The following EPS8L2 variants were observed in gnomAD, a reference collection of about 807,000 sequenced individuals.
The protein encoded by EPS8L2 is epidermal growth factor receptor kinase substrate 8-like protein 2.
Under a neutral mutation model 99.4 loss-of-function variants are expected in EPS8L2, and 81 were observed. The observed-to-expected ratio is 0.82, with a 90% CI of 0.68 to 0.98. The LOEUF (loss-of-function observed/expected upper bound fraction) is 0.98, where lower values mean the gene tolerates loss of function less well. EPS8L2 is among the 50% of genes least tolerant of loss of function. EPS8L2 has a pLI of 0.00. For synonymous variants in EPS8L2, 509 were observed against 407.3 expected, an observed-to-expected ratio of 1.25 and a Z score of -3.01; for missense variants, 1,155 against 968.8, an observed-to-expected ratio of 1.19 and a Z score of -2.55.
In EPS8L2 at chr11:724,387, G is replaced by C. The variant is rs1416356975; in HGVS notation, c.1455-337G>C. Among the ~76,000 whole-genome samples, 2 of 152,170 alleles carry C rather than the reference G, an allele frequency of 1.3e-5. No homozygotes were observed. The highest frequency in any genetic ancestry group is 2.4e-5 in the African/African-American group (1 of 41,438). The stretch of plus-strand genomic sequence containing the variant: ...GCCAGCTGCGGGGAGCTGTGACCCT[G>C]GCGTTTCCCAGGAACGCCCCTGGCT... On this transcript the variant is annotated intron_variant, in intron 15 of 20. Coordinates refer to ENST00000318562, the MANE Select transcript of EPS8L2 (RefSeq NM_022772.4). The surrounding 1 kb of genome is among the most constrained non-coding windows in gnomAD (Gnocchi z 5.5).
rs180782812 is a variant in EPS8L2 at position 713,692 on chromosome 11, G to A, written c.165+3206G>A. 1.5e-3 allele frequency among the ~76,000 whole-genome samples: 236 copies of A among 152,304 alleles called. 1 individual carries two copies. Among genetic ancestry groups the A allele is most frequent in the African/African-American group, 5.1e-3 (214 of 41,576 alleles). ...CCCCAGTACCTGGGATTACAGGCAC[G>A]CACCACCACACCCAGCTAATTTTTT... On this transcript the variant is annotated intron_variant, in intron 4 of 20. Coordinates refer to ENST00000318562, the MANE Select transcript of EPS8L2 (RefSeq NM_022772.4).
At chr11:720,964 A>AGGGGAG (rs1325160674) in intron 7 of EPS8L2, 55 bp downstream of exon 7, 106 of 930,356 alleles carry the variant, frequency 1.1e-4, no homozygotes, top group Non-Finnish European at 1.5e-4. Flanking sequence ...GGAGCCCGGC[A>AGGGGAG]GGGGAGGGGA....
intron 4 of EPS8L2, among the ~76,000 whole-genome samples, chr11:712,743 A>C (rs537460235): frequency 1.4e-4 from 22 of 152,308 alleles, no homozygotes; most frequent in African/African-American, 5.3e-4. Flanking sequence ...AGCCATCAGG[A>C]GTCCCTGAGC....
chr11:726,234 G>T, intron 18 of EPS8L2, 64 bp downstream of exon 18: 1 of 1,566,498 alleles, frequency 6.4e-7, no homozygotes, highest in Non-Finnish European at 8.7e-7. Flanking sequence ...GGAAGTGTGG[G>T]GGGGGTCCCT....
At position 710,291 on chromosome 11, in the gene EPS8L2, C is replaced by G. The variant is rs568827662; in HGVS notation, c.101-131C>G. On this transcript the variant is annotated intron_variant, in intron 3 of 20. Coordinates refer to ENST00000318562, the MANE Select transcript of EPS8L2 (RefSeq NM_022772.4). ...TCCTGATTTCACACCCACATCCTTC[C>G]TGGTGGCCAAGAGGTCCACGGAGCA... is the stretch of plus-strand genomic sequence containing the variant. The G allele has an allele frequency of 8.9e-4, 725 of 815,066 alleles. 2 individuals are homozygous for G. Among genetic ancestry groups the G allele is most frequent in the Non-Finnish European group, 1.4e-3 (672 of 481,096 alleles). 50.5% of individuals were successfully genotyped at this position (815,066 alleles called of 1,614,324 possible).
chr11:721,854 GC>G (rs1432707678), intron 10 of EPS8L2, 48 bp from the exon 11 acceptor site: 13 of 1,550,622 alleles, frequency 8.4e-6, no homozygotes, highest in Non-Finnish European at 1.1e-5. Context: ...AGGCGCAGGG[GC>G]CGGGGAGATC....
intron 4 of EPS8L2, among the ~76,000 whole-genome samples, chr11:711,093 A>G (rs993486727): frequency 6.6e-6 from 1 of 151,926 alleles, no homozygotes; most frequent in African/African-American, 2.4e-5. Context: ...TTGATGGGGG[A>G]TTCAGGGAGG....
rs763228576 is a variant in EPS8L2, at chr11:721,251, G to C, written c.701-34G>C. The C allele has an allele frequency of 4.8e-5, 74 of 1,538,624 alleles. No homozygotes were observed. The African/African-American group carries it at 9.2e-4, about 19-fold the overall frequency. On this transcript the variant is annotated intron_variant, in intron 8 of 20. Coordinates refer to ENST00000318562, the MANE Select transcript of EPS8L2 (RefSeq NM_022772.4). Reference sequence around the variant, plus strand: ...GGGGCTCCACAGGGCTCGTTGTGGGGGGCTCGGTGAGCAGCCGCCGTGTCC... The same window carrying C: ...GGGGCTCCACAGGGCTCGTTGTGGGCGGCTCGGTGAGCAGCCGCCGTGTCC...
At chr11:709,770 T>C (rs1861834840) in intron 3 of EPS8L2, 162 bp downstream of exon 3, 1 of 714,630 alleles carries the variant, frequency 1.4e-6, no homozygotes, top group Non-Finnish European at 2.4e-6. Flanking sequence ...TTCCGAAAGC[T>C]CCTGGCCACT....
At chr11:714,913 T>G (rs1269784383) in intron 4 of EPS8L2, among the ~76,000 whole-genome samples, 1 of 152,064 alleles carries the variant, frequency 6.6e-6, no homozygotes, top group Non-Finnish European at 1.5e-5. Flanking sequence ...TTTTATAAAA[T>G]GGGTGGGGAA....
In EPS8L2 at chr11:720,116, G is replaced by A. The variant is rs958133411; in HGVS notation, c.220G>A (p.Ala74Thr). Residue 74 changes from alanine to threonine, a missense_variant, in exon 5 of 21, where the codon GCC becomes ACC. Physicochemically the swap from Ala to Thr is moderately conservative, Grantham distance 58. Coordinates refer to ENST00000318562, the MANE Select transcript of EPS8L2 (RefSeq NM_022772.4). ...CGAAGCCATCACGTCTGTGGACGAC[G>A]CCATCCGGAAGCTGGTGCAGCTGAG... The part of the protein sequence containing the change: ...KSEAITSVDD[A>T]IRKLVQLSSK... The A allele has an allele frequency of 4.3e-6, 7 of 1,613,358 alleles. No homozygotes were observed. Among genetic ancestry groups the A allele is most frequent in the Middle Eastern group, 1.7e-4 (1 of 6,058 alleles).
intron 4 of EPS8L2, among the ~76,000 whole-genome samples, chr11:713,279 A>G (rs1861935978): frequency 6.6e-6 from 1 of 152,196 alleles, no homozygotes; most frequent in Non-Finnish European, 1.5e-5. Flanking sequence ...TGTTGCCACC[A>G]TAGTCGACCC....
In EPS8L2 at chr11:720,698, G is replaced by A. The variant is rs1862133572; in HGVS notation, c.429G>A (p.Ser143=). The A allele has an allele frequency of 3.1e-6, 5 of 1,597,688 alleles. No individual in the cohort carries two copies. The highest frequency in any genetic ancestry group is 2.3e-5 in the South Asian group (2 of 88,194). ...TGCTGCTGCTCGTGTGCCAGGACTC[G>A]GAGCAGAGCAAGCCGGATGTCCACT... is the stretch of plus-strand genomic sequence containing the variant. ...PSVLLLVCQD[S]EQSKPDVHFF... is the part of the protein sequence containing the mutation. The change falls in exon 6 of 21, where the codon TCG becomes TCA. Residue 143 remains serine (S), a synonymous_variant. Transcript: ENST00000318562.
chr11:722,087 C>G lies in EPS8L2; in HGVS notation c.985-4C>G, dbSNP rs779871705. The G allele has an allele frequency of 3.2e-5, 51 of 1,613,068 alleles. No individual in the cohort carries two copies. The South Asian group carries it at 5.1e-4, about 16-fold the overall frequency. On this transcript the variant is annotated splice_region_variant and splice_polypyrimidine_tract_variant and intron_variant, in intron 11 of 20. Transcript: ENST00000318562. The stretch of plus-strand genomic sequence containing the variant: ...GGCACCTGCTCACTTGTTCCCACCC[C>G]CAGGCAAAGCTGCAGAAGCACATCC...
chr11:719,586 G>A (rs1279854876), intron 4 of EPS8L2, among the ~76,000 whole-genome samples: 1 of 152,254 alleles, frequency 6.6e-6, no homozygotes, highest in Non-Finnish European at 1.5e-5. Context: ...AGTGGCAACC[G>A]GAACAGTGCC....
Position 721,190 on chromosome 11 carries a change from G to A in EPS8L2, c.684G>A (p.Val228=), listed in dbSNP as rs760621379. The A allele has an allele frequency of 1.3e-5, 20 of 1,533,218 alleles. No homozygotes were observed. Among genetic ancestry groups the A allele is most frequent in the South Asian group, 8.4e-5 (7 of 83,608 alleles). The allele number at this position is 1,533,218 out of a possible 1,614,324, so 95.0% of individuals were successfully genotyped here. A position where few individuals can be genotyped will look rare whatever the true frequency, so the allele number is the denominator to read the frequency against. The change falls in exon 8 of 21, where the codon GTG becomes GTA. Residue 228 remains valine (V), a synonymous_variant. Coordinates refer to ENST00000318562, the MANE Select transcript of EPS8L2 (RefSeq NM_022772.4). Reference sequence around the variant, plus strand: ...CCAAGAATCGCGTGGGCCCGCAGGTGCCACTCAGCGAGCCAGGTGGGCCGA... The same window carrying A: ...CCAAGAATCGCGTGGGCCCGCAGGTACCACTCAGCGAGCCAGGTGGGCCGA... ...PEAKNRVGPQ[V]PLSEPGFRRR...
chr11:721,005 A>AGGGAGGGAGGGTCAGGTGCGTTCCCGGCG, intron 7 of EPS8L2, 59 bp from the exon 8 acceptor site: 1 of 1,397,714 alleles, frequency 7.2e-7, no homozygotes, highest in Non-Finnish European at 9.5e-7. Flanking sequence ...GGAGCCCGGC[A>AGGGAGGGAGGGTCAGGTGCGTTCCCGGCG]GGGAGGGAGG....
At chr11:726,195 G>T in intron 18 of EPS8L2, 25 bp downstream of exon 18, 1 of 1,596,668 alleles carries the variant, frequency 6.3e-7, no homozygotes, top group Non-Finnish European at 8.5e-7. Context: ...TTCGAGGCGG[G>T]GGTCCCGGGC....
At chr11:715,618 GTTTTTTTT>G (rs929222502) in intron 4 of EPS8L2, among the ~76,000 whole-genome samples, 2 of 120,038 alleles carry the variant, frequency 1.7e-5, no homozygotes. Flanking sequence ...TTTTTCTTTT[GTTTTTTTT>G]TTTTTTTTTT....
Sources: gnomAD v4.1 joint callset for allele counts (sites outside exome capture counted in the v4.1 genomes callset) on GRCh38, gnomAD v4.1.1 for gene constraint, Gnocchi (gnomAD v3.1) non-coding constraint, MANE v1.5 for transcripts, NCBI Gene and HGNC (gene_info 2026-07-23, HGNC 2026-07-21) for gene names.